DCC: variants seen among roughly 807,000 people sequenced by gnomAD.
DCC encodes DCC netrin 1 receptor, also known as netrin receptor DCC.
Under a neutral mutation model 172.5 loss-of-function variants are expected in DCC, and 58 were observed. That is an observed-to-expected ratio of 0.34 (90% CI 0.27 to 0.42). The LOEUF is 0.42. DCC is among the 10% of genes least tolerant of loss of function. The probability of loss-of-function intolerance (pLI) is 1.00; values close to 1 mark genes in which losing one functional copy is unlikely to be tolerated. For synonymous variants in DCC, 709 were observed against 644.5 expected, an observed-to-expected ratio of 1.10 and a Z score of -1.52; for missense variants, 1,740 against 1,791.0, an observed-to-expected ratio of 0.97 and a Z score of 0.51.
At chr18:53,103,114 G>A (rs1443589960) in intron 7 of DCC, among the ~76,000 whole-genome samples, 1 of 151,820 alleles carries the variant, frequency 6.6e-6, no homozygotes, top group African/African-American at 2.4e-5. Context: ...ATTTCTTATT[G>A]AGCACTACCC....
intron 1 of DCC, among the ~76,000 whole-genome samples, chr18:52,454,033 G>A (rs1988385368): frequency 1.3e-5 from 2 of 152,146 alleles, no homozygotes; most frequent in East Asian, 1.9e-4. Flanking sequence ...TTGGGGTCAG[G>A]AAGGATGCTT....
chr18:53,102,141 A>G lies in DCC; in HGVS notation c.1261+35975A>G, dbSNP rs188813029. Among the ~76,000 whole-genome samples, 167 of 152,250 alleles carry G rather than the reference A, an allele frequency of 1.1e-3. 1 individual carries two copies. The highest frequency in any genetic ancestry group is 1.7e-3 in the Non-Finnish European group (118 of 68,014). ...GTTGTGGAGTTGGCATATGACCCTG[A>G]AACTGCTTCACCATAAAGACAGATT... On this transcript the variant is annotated intron_variant, in intron 7 of 28. Coordinates refer to ENST00000442544, the MANE Select transcript of DCC (RefSeq NM_005215.4).
At chr18:53,358,310 C>T (rs140928447) in intron 15 of DCC, among the ~76,000 whole-genome samples, 9 of 152,036 alleles carry the variant, frequency 5.9e-5, no homozygotes, top group African/African-American at 1.9e-4. Flanking sequence ...ATTTAGTTGA[C>T]ATTAATCAAA....
intron 15 of DCC, among the ~76,000 whole-genome samples, chr18:53,378,154 G>A (rs1351172963): frequency 1.3e-5 from 2 of 151,818 alleles, no homozygotes; most frequent in African/African-American, 4.8e-5. Context: ...TAGAAACAGG[G>A]TTTTGCCTGT....
chr18:53,011,927 CAA>C (rs1413423236), intron 5 of DCC, among the ~76,000 whole-genome samples: 1 of 151,600 alleles, frequency 6.6e-6, no homozygotes, highest in African/African-American at 2.4e-5. Flanking sequence ...ATTAAGAAGA[CAA>C]AATATATGGA....
At chr18:53,494,588 A>G (rs2045997585) in intron 26 of DCC, among the ~76,000 whole-genome samples, 1 of 151,976 alleles carries the variant, frequency 6.6e-6, no homozygotes, top group African/African-American at 2.4e-5. Flanking sequence ...GTCTCTTTTG[A>G]TCTTTGTTGG....
intron 1 of DCC, among the ~76,000 whole-genome samples, chr18:52,441,356 C>T (rs928923515): frequency 1.2e-4 from 18 of 152,138 alleles, no homozygotes; most frequent in South Asian, 4.2e-4. Context: ...AAAAAGAGTC[C>T]GATATCTGTT....
At chr18:52,969,876 A>G (rs753967229) in intron 5 of DCC, among the ~76,000 whole-genome samples, 2 of 152,114 alleles carry the variant, frequency 1.3e-5, no homozygotes, top group East Asian at 3.9e-4. Flanking sequence ...TGTAGCAGGT[A>G]TTCAATAAGT....
chr18:52,975,862 G>A (rs887496674), intron 5 of DCC, among the ~76,000 whole-genome samples: 4 of 152,056 alleles, frequency 2.6e-5, no homozygotes, highest in Non-Finnish European at 5.9e-5. Flanking sequence ...TTATTTCTTT[G>A]GGTATATACG....
In DCC at chr18:53,305,695, A is replaced by G. The variant is rs756185997; in HGVS notation, c.2029A>G (p.Asn677Asp). 3 of 1,613,922 alleles carry G rather than the reference A, an allele frequency of 1.9e-6. No individual in the cohort carries two copies. The highest frequency in any genetic ancestry group is 1.3e-5 in the African/African-American group (1 of 74,908). The change falls in exon 13 of 29, where the codon AAC becomes GAC. Residue 677 changes from asparagine to aspartate, a missense_variant. Asn to Asp is a conservative substitution (Grantham distance 23). Around this residue, in one of 2 missense-constraint regions of DCC, gnomAD observed 1,732 missense variants for 1,767.4 expected, o/e 0.98. Coordinates refer to ENST00000442544, the MANE Select transcript of DCC (RefSeq NM_005215.4). ...RRGEMETLEPNNLWYLFTGLE... is the reference protein window; with the variant it reads ...RRGEMETLEPDNLWYLFTGLE... ...GGGTGAGATGGAAACACTGGAGCCA[A>G]ACAACCTCTGGTACCTATTCACAGG...
chr18:52,800,897 G>T (rs1856859394), intron 2 of DCC, among the ~76,000 whole-genome samples: 1 of 152,132 alleles, frequency 6.6e-6, no homozygotes, highest in Admixed American at 6.5e-5. Flanking sequence ...GGGCCAGCTG[G>T]ACTGGTATAA....
chr18:52,748,380 G>C (rs117821921), intron 1 of DCC, among the ~76,000 whole-genome samples: 2,202 of 152,358 alleles, frequency 0.014, 29 homozygotes, highest in Non-Finnish European at 0.02. Context: ...AGCAAACAAG[G>C]GTGTGTCAGA....
intron 6 of DCC, among the ~76,000 whole-genome samples, chr18:53,064,455 G>T (rs961924906): frequency 9.2e-5 from 14 of 152,112 alleles, no homozygotes; most frequent in African/African-American, 2.7e-4. Flanking sequence ...ATCTAGCCAG[G>T]TCTCCTGGGC....
intron 2 of DCC, among the ~76,000 whole-genome samples, chr18:52,801,024 T>A (rs143935911): frequency 6.6e-6 from 1 of 152,260 alleles, no homozygotes; most frequent in Non-Finnish European, 1.5e-5. Context: ...AGCTTGGAAT[T>A]GTTTGCATTG....
At chr18:52,581,002 A>G (rs762548648) in intron 1 of DCC, among the ~76,000 whole-genome samples, 5 of 152,162 alleles carry the variant, frequency 3.3e-5, no homozygotes, top group Admixed American at 3.3e-4. Flanking sequence ...TATCAATTCA[A>G]CCACTGATCT....
chr18:52,811,875 A>G (rs972363626), intron 2 of DCC, among the ~76,000 whole-genome samples: 4 of 152,190 alleles, frequency 2.6e-5, no homozygotes, highest in Non-Finnish European at 5.9e-5. Flanking sequence ...TGAGGAAAGA[A>G]TGAAATCCAG....
chr18:52,463,007 G>A (rs1465455656), intron 1 of DCC, among the ~76,000 whole-genome samples: 1 of 152,164 alleles, frequency 6.6e-6, no homozygotes, highest in Admixed American at 6.5e-5. Flanking sequence ...ACCCAGGCCT[G>A]TCCACTGCGA....
At chr18:53,045,600 C>G (rs1175289776) in intron 5 of DCC, among the ~76,000 whole-genome samples, 1 of 151,826 alleles carries the variant, frequency 6.6e-6, no homozygotes, top group Non-Finnish European at 1.5e-5. Flanking sequence ...CTCTAAAGTG[C>G]AAGACCGATG....
intron 2 of DCC, among the ~76,000 whole-genome samples, chr18:52,902,644 T>C (rs1295902614): frequency 1.3e-5 from 2 of 152,222 alleles, no homozygotes; most frequent in African/African-American, 2.4e-5. Context: ...GCACATACCT[T>C]GAAACTATAG....
Sources: allele counts gnomAD v4.1 joint callset (sites outside exome capture counted in the v4.1 genomes callset), GRCh38; gene constraint gnomAD v4.1.1; regional missense constraint gnomAD v4.1.1; transcripts MANE v1.5; gene names NCBI Gene and HGNC (gene_info 2026-07-23, HGNC 2026-07-21).